Variants in DPP10 observed in about 807,000 individuals in gnomAD.
The protein encoded by DPP10 is inactive dipeptidyl peptidase 10.
DPP10 carries 33 observed loss-of-function variants against 120.9 expected under a neutral mutation model. That is an observed-to-expected ratio of 0.27 (90% CI 0.21 to 0.37). The LOEUF (loss-of-function observed/expected upper bound fraction) is 0.37. DPP10 is among the 10% of genes least tolerant of loss of function. The probability of loss-of-function intolerance (pLI) is 1.00; values close to 1 mark genes in which losing one functional copy is unlikely to be tolerated. For missense variants in DPP10, 816 were observed against 942.8 expected (o/e 0.87, Z 1.76); for synonymous variants, 337 against 326.1 (o/e 1.03, Z -0.36).
At chr2:114,633,248 C>CTTT (rs35372708) in intron 1 of DPP10, among the ~76,000 whole-genome samples, 1,048 of 72,062 alleles carry the variant, frequency 0.015, no homozygotes, top group Middle Eastern at 0.035. Flanking sequence ...GTTTTTCTTT[C>CTTT]TTTTTTTTTT....
chr2:115,591,178 A>G (rs766629723), intron 5 of DPP10, among the ~76,000 whole-genome samples: 2 of 152,090 alleles, frequency 1.3e-5, no homozygotes, highest in Non-Finnish European at 2.9e-5. Flanking sequence ...CCATTTGTCA[A>G]TTCTGGCTTT....
At chr2:115,399,125 T>C (rs1396621576) in intron 3 of DPP10, among the ~76,000 whole-genome samples, 1 of 152,192 alleles carries the variant, frequency 6.6e-6, no homozygotes, top group Non-Finnish European at 1.5e-5. Flanking sequence ...GTTTCATTGC[T>C]ACTACTATTA....
chr2:114,463,076 A>C (rs1001066338), intron 1 of DPP10, among the ~76,000 whole-genome samples: 2 of 151,926 alleles, frequency 1.3e-5, no homozygotes, highest in Non-Finnish European at 2.9e-5. Context: ...GGTTTTTGAA[A>C]CCAAGATCTT....
chr2:114,613,200 A>T (rs1178804648), intron 1 of DPP10, among the ~76,000 whole-genome samples: 2 of 152,210 alleles, frequency 1.3e-5, no homozygotes. Flanking sequence ...TCTATTCTAT[A>T]CACACTCATA....
chr2:114,589,979 C>A (rs937952216), intron 1 of DPP10, among the ~76,000 whole-genome samples: 2 of 151,846 alleles, frequency 1.3e-5, no homozygotes, highest in African/African-American at 2.4e-5. Context: ...TCAGATATGA[C>A]CCTAATTCTT....
intron 19 of DPP10, among the ~76,000 whole-genome samples, chr2:115,800,062 G>A (rs1306715641): frequency 6.6e-6 from 1 of 150,636 alleles, no homozygotes; most frequent in Non-Finnish European, 1.5e-5. Flanking sequence ...CAGTGTAAAA[G>A]TGTTCCTATT....
At chr2:114,695,912 C>T (rs1434339568) in intron 1 of DPP10, among the ~76,000 whole-genome samples, 1 of 152,016 alleles carries the variant, frequency 6.6e-6, no homozygotes, top group East Asian at 1.9e-4. Context: ...GTAGCACCCT[C>T]TTATTTAATA....
At chr2:115,052,746 G>A (rs1042161482) in intron 1 of DPP10, among the ~76,000 whole-genome samples, 7 of 152,140 alleles carry the variant, frequency 4.6e-5, no homozygotes, top group Admixed American at 3.9e-4. Flanking sequence ...GAGGTCAGGA[G>A]TTCGAGACCA....
intron 1 of DPP10, among the ~76,000 whole-genome samples, chr2:114,451,694 T>C (rs572199290): frequency 6.6e-6 from 1 of 152,194 alleles, no homozygotes; most frequent in South Asian, 2.1e-4. Flanking sequence ...AGCTGGACTT[T>C]GTGTTGTTTT....
chr2:115,356,762 C>G (rs1463817821), intron 3 of DPP10, among the ~76,000 whole-genome samples: 2 of 151,898 alleles, frequency 1.3e-5, no homozygotes, highest in African/African-American at 2.4e-5. Flanking sequence ...TTTTCTTTAT[C>G]CAGTCCACTG....
chr2:114,586,046 G>A (rs777674245), intron 1 of DPP10, among the ~76,000 whole-genome samples: 9 of 152,090 alleles, frequency 5.9e-5, no homozygotes, highest in Admixed American at 1.3e-4. Context: ...TCAGGAGTTC[G>A]AGACGAGCCT....
At chr2:114,443,073 C>A (rs10168518) in intron 1 of DPP10, among the ~76,000 whole-genome samples, 3,410 of 151,152 alleles carry the variant, frequency 0.023, 130 homozygotes, top group African/African-American at 0.078. Flanking sequence ...TACTGAGAAT[C>A]TATCAGAGGT....
intron 5 of DPP10, among the ~76,000 whole-genome samples, chr2:115,638,543 A>G (rs1487306453): frequency 6.6e-6 from 1 of 152,208 alleles, no homozygotes; most frequent in Non-Finnish European, 1.5e-5. Flanking sequence ...AAGTTTTTTC[A>G]CTAAAATATC....
rs1183836714 is a variant in DPP10 at position 115,573,734 on chromosome 2, T to C, written c.441+47762T>C. ...CCATGCCCAGCTGATCTTTGTACTT[T>C]TAGTAGAGACGGGGTTTGGCCGTGT... On this transcript the variant is annotated intron_variant, in intron 5 of 25. Transcript: ENST00000410059. Among the ~76,000 whole-genome samples the C allele has an allele frequency of 2.3e-5, 3 of 128,280 alleles. No homozygotes were observed. The East Asian group carries it at 7.0e-4, about 30-fold the overall frequency. The allele number at this position is 128,280 out of a possible 152,430, so 84.2% of individuals were successfully genotyped here. A position where few individuals can be genotyped will look rare whatever the true frequency, so the allele number is the denominator to read the frequency against.
intron 1 of DPP10, among the ~76,000 whole-genome samples, chr2:114,896,564 G>C (rs2106634142): frequency 6.6e-6 from 1 of 152,210 alleles, no homozygotes; most frequent in South Asian, 2.1e-4. Context: ...AAGAATGCTT[G>C]TGATTTTTGT....
chr2:114,643,690 C>A (rs1211140093), intron 1 of DPP10, among the ~76,000 whole-genome samples: 3 of 151,752 alleles, frequency 2.0e-5, no homozygotes, highest in East Asian at 1.9e-4. Context: ...ATCAGTAATG[C>A]ACTTCTAAAT....
intron 1 of DPP10, among the ~76,000 whole-genome samples, chr2:114,563,989 CAGG>C (rs1688978667): frequency 6.6e-6 from 1 of 152,180 alleles, no homozygotes; most frequent in South Asian, 2.1e-4. Flanking sequence ...GCTGGGATAG[CAGG>C]AGAATGGGTG....
chr2:115,558,450 A>G (rs890982307), intron 5 of DPP10, among the ~76,000 whole-genome samples: 4 of 152,178 alleles, frequency 2.6e-5, no homozygotes, highest in African/African-American at 4.8e-5. Flanking sequence ...AGGGTACCCA[A>G]GAGTACATTT....
chr2:115,437,493 G>T (rs1211003421), intron 3 of DPP10, among the ~76,000 whole-genome samples: 2 of 152,016 alleles, frequency 1.3e-5, no homozygotes, highest in Non-Finnish European at 2.9e-5. Flanking sequence ...GCTAGAAGTG[G>T]TTTAAGTTAA....
Sources: gnomAD v4.1 joint callset for allele counts (sites outside exome capture counted in the v4.1 genomes callset) on GRCh38, gnomAD v4.1.1 for gene constraint, MANE v1.5 for transcripts, NCBI Gene and HGNC (gene_info 2026-07-23, HGNC 2026-07-21) for gene names.